The following RABGAP1L variants were observed in gnomAD, a reference collection of about 807,000 sequenced individuals.
The protein encoded by RABGAP1L is rab GTPase-activating protein 1-like.
A neutral mutation model predicts 137.7 loss-of-function variants in RABGAP1L; 63 were observed. The observed-to-expected ratio is 0.46, with a 90% CI of 0.37 to 0.56. RABGAP1L has a LOEUF of 0.56. RABGAP1L is among the 20% of genes least tolerant of loss of function. The pLI is 0.00. For synonymous variants in RABGAP1L, 431 were observed against 433.7 expected, an observed-to-expected ratio of 0.99 and a Z score of 0.08; for missense variants, 1,095 against 1,244.0, an observed-to-expected ratio of 0.88 and a Z score of 1.80.
chr1:174,413,674 C>T (rs148638904), intron 13 of RABGAP1L, among the ~76,000 whole-genome samples: 2 of 152,136 alleles, frequency 1.3e-5, no homozygotes, highest in Non-Finnish European at 2.9e-5. Flanking sequence ...CTCCTCCCCC[C>T]CTTTCTCTAT....
At chr1:174,626,381 C>G (rs1172048091) in intron 13 of RABGAP1L, among the ~76,000 whole-genome samples, 2 of 152,218 alleles carry the variant, frequency 1.3e-5, no homozygotes, top group Non-Finnish European at 2.9e-5. Context: ...GCACTTCCTT[C>G]AAGAACAAGG....
chr1:174,400,463 T>C (rs950557480), intron 13 of RABGAP1L, among the ~76,000 whole-genome samples: 8 of 152,148 alleles, frequency 5.3e-5, no homozygotes, highest in Non-Finnish European at 7.4e-5. Flanking sequence ...ACATTCTAGA[T>C]GATAAATAAA....
chr1:174,605,855 T>A (rs1373313623), intron 13 of RABGAP1L, among the ~76,000 whole-genome samples: 3 of 152,210 alleles, frequency 2.0e-5, no homozygotes, highest in Non-Finnish European at 4.4e-5. Context: ...AAGCGAATTT[T>A]CTATTTGTAA....
At chr1:174,349,728 G>A (rs1207252100) in intron 11 of RABGAP1L, among the ~76,000 whole-genome samples, 3 of 132,402 alleles carry the variant, frequency 2.3e-5, no homozygotes, top group African/African-American at 5.4e-5. Flanking sequence ...TGGCCGGGCG[G>A]GGGGCTGACC....
intron 12 of RABGAP1L, among the ~76,000 whole-genome samples, chr1:174,383,127 TGAG>T: frequency 6.6e-6 from 1 of 150,996 alleles, no homozygotes; most frequent in Admixed American, 6.6e-5. Flanking sequence ...GGGACCCACT[TGAG>T]GAGGCAGTCT....
intron 11 of RABGAP1L, among the ~76,000 whole-genome samples, chr1:174,343,708 G>T (rs1682185695): frequency 6.6e-6 from 1 of 152,086 alleles, no homozygotes; most frequent in Non-Finnish European, 1.5e-5. Context: ...CTAAAAGAAA[G>T]TCAGAAAAGT....
At chr1:174,870,106 G>C (rs1209176218) in intron 19 of RABGAP1L, among the ~76,000 whole-genome samples, 3 of 152,212 alleles carry the variant, frequency 2.0e-5, no homozygotes, top group African/African-American at 7.2e-5. Context: ...ATAAATGGAA[G>C]CTAGAAAGGC....
intron 13 of RABGAP1L, among the ~76,000 whole-genome samples, chr1:174,618,129 A>G (rs1442392088): frequency 1.3e-5 from 2 of 152,218 alleles, no homozygotes; most frequent in East Asian, 1.9e-4. Context: ...TTGAGTAGGT[A>G]AACAAAGCGG....
rs772621197 is a variant in RABGAP1L at position 174,637,494 on chromosome 1, A to G, written c.1824+6A>G. On this transcript the variant is annotated splice_donor_region_variant and intron_variant, in intron 14 of 25. Coordinates refer to ENST00000681986, the MANE Select transcript of RABGAP1L (RefSeq NM_001366446.1). Reference sequence around the variant, plus strand: ...CGCTCTATAAGATCTGCAAGGTAGGACTCTCTTCCTCACTTTTTCTAAATT... The same window carrying G: ...CGCTCTATAAGATCTGCAAGGTAGGGCTCTCTTCCTCACTTTTTCTAAATT... The G allele has an allele frequency of 2.8e-5, 44 of 1,550,802 alleles. No homozygotes were observed. The highest frequency in any genetic ancestry group is 3.8e-5 in the Non-Finnish European group (43 of 1,125,126).
At chr1:174,956,015 A>G (rs915759545) in intron 19 of RABGAP1L, among the ~76,000 whole-genome samples, 46 of 152,226 alleles carry the variant, frequency 3.0e-4, no homozygotes, top group Admixed American at 2.9e-3. Context: ...ATGGAACAGA[A>G]TAAGTTCTAA....
intron 13 of RABGAP1L, among the ~76,000 whole-genome samples, chr1:174,634,103 C>T (rs1367735386): frequency 7.9e-6 from 1 of 126,632 alleles, no homozygotes; most frequent in African/African-American, 3.2e-5. Context: ...AGGCAACCTA[C>T]AGAATGGGAG....
chr1:174,441,239 TA>T (rs202127171), intron 13 of RABGAP1L, among the ~76,000 whole-genome samples: 82 of 150,366 alleles, frequency 5.5e-4, no homozygotes, highest in African/African-American at 1.8e-3. Flanking sequence ...CTGATGATTG[TA>T]AAAAAAAATG....
chr1:174,209,468 A>G (rs1227101538), intron 1 of RABGAP1L, among the ~76,000 whole-genome samples: 1 of 152,110 alleles, frequency 6.6e-6, no homozygotes, highest in Non-Finnish European at 1.5e-5. Context: ...AAGTATACCA[A>G]ATGGGCCTGT....
chr1:174,781,356 C>T (rs928002540), intron 18 of RABGAP1L, among the ~76,000 whole-genome samples: 2 of 152,208 alleles, frequency 1.3e-5, no homozygotes, highest in Non-Finnish European at 2.9e-5. Flanking sequence ...CTGTTGGCTA[C>T]ATAAATGTCT....
chr1:174,427,643 T>A (rs1009727529), intron 13 of RABGAP1L, among the ~76,000 whole-genome samples: 8 of 152,200 alleles, frequency 5.3e-5, no homozygotes, highest in African/African-American at 1.9e-4. Context: ...TTAGTATTTT[T>A]AGCTTTCTTT....
intron 17 of RABGAP1L, among the ~76,000 whole-genome samples, chr1:174,729,598 A>G (rs1682289429): frequency 6.6e-6 from 1 of 152,236 alleles, no homozygotes; most frequent in African/African-American, 2.4e-5. Context: ...CATAGAATCT[A>G]TAAGGAACTT....
rs147480206 is a variant in RABGAP1L at position 174,734,484 on chromosome 1, C to A, written c.2170-17829C>A. Among the ~76,000 whole-genome samples the A allele has an allele frequency of 3.6e-3, 543 of 152,014 alleles. 2 individuals carry two copies. The highest frequency in any genetic ancestry group is 0.01 in the Middle Eastern group (3 of 292). On this transcript the variant is annotated intron_variant, in intron 17 of 25. Transcript: ENST00000681986. ...AAATGAGATGCCTGTTCTAAACAGG[C>A]CTGGAGATTTGAGCAAGTTCTCAGG...
intron 7 of RABGAP1L, among the ~76,000 whole-genome samples, chr1:174,259,460 T>C (rs1034110711): frequency 3.3e-5 from 5 of 152,220 alleles, no homozygotes; most frequent in Non-Finnish European, 5.9e-5. Flanking sequence ...TAAGTACATC[T>C]AGTACTAGAA....
chr1:174,163,754 A>G (rs1303790797), intron 1 of RABGAP1L, among the ~76,000 whole-genome samples: 1 of 152,118 alleles, frequency 6.6e-6, no homozygotes, highest in East Asian at 1.9e-4. Context: ...CTTAAATAAG[A>G]GGAAAATAAG....
Sources: allele counts gnomAD v4.1 joint callset (sites outside exome capture counted in the v4.1 genomes callset), GRCh38; gene constraint gnomAD v4.1.1; transcripts MANE v1.5; gene names NCBI Gene and HGNC (gene_info 2026-07-23, HGNC 2026-07-21).